Variants in SAMD12 observed in about 807,000 individuals in gnomAD.
SAMD12 encodes the protein sterile alpha motif domain containing 12.
SAMD12 carries 9 observed loss-of-function variants against 15.0 expected under a neutral mutation model. That is an observed-to-expected ratio of 0.60 (90% CI 0.36 to 1.05). SAMD12 has a LOEUF of 1.05. SAMD12 is among the 50% of genes least tolerant of loss of function. The probability of loss-of-function intolerance (pLI) is 0.01; values close to 1 mark genes in which losing one functional copy is unlikely to be tolerated. For missense variants in SAMD12, 230 were observed against 234.2 expected (o/e 0.98, Z 0.12); for synonymous variants, 86 against 90.1 (o/e 0.96, Z 0.25).
chr8:118,598,241 T>G (rs963836101), intron 1 of SAMD12, among the ~76,000 whole-genome samples: 9 of 152,238 alleles, frequency 5.9e-5, no homozygotes, highest in African/African-American at 2.2e-4. Flanking sequence ...AAAATTCATA[T>G]GCTGAAGGCT....
chr8:118,534,346 C>T (rs1196532482), intron 2 of SAMD12, among the ~76,000 whole-genome samples: 1 of 152,090 alleles, frequency 6.6e-6, no homozygotes, highest in Admixed American at 6.5e-5. Context: ...TTGTGGGTAA[C>T]CCGACCTTGC....
intron 2 of SAMD12, among the ~76,000 whole-genome samples, chr8:118,463,267 A>G (rs948389597): frequency 1.3e-5 from 2 of 152,122 alleles, no homozygotes; most frequent in African/African-American, 4.8e-5. Context: ...ACCCAGCAGT[A>G]GGGAATGGGG....
At chr8:118,377,063 A>C (rs1304563121), downstream of SAMD12, among the ~76,000 whole-genome samples, 1 of 152,122 alleles carries the variant, frequency 6.6e-6, no homozygotes, top group Non-Finnish European at 1.5e-5. Flanking sequence ...TACTTCAATA[A>C]GGCTATGTAT....
At chr8:118,385,295 G>T (rs1476946040) in intron 3 of SAMD12, among the ~76,000 whole-genome samples, 3 of 152,138 alleles carry the variant, frequency 2.0e-5, no homozygotes, top group African/African-American at 7.2e-5. Context: ...GCAGTTGAAG[G>T]CCTGAGTAGA....
At chr8:118,501,250 C>T (rs1824773995) in intron 2 of SAMD12, among the ~76,000 whole-genome samples, 1 of 152,066 alleles carries the variant, frequency 6.6e-6, no homozygotes, top group African/African-American at 2.4e-5. Flanking sequence ...TCTTGCTTTC[C>T]ACAAAACTAG....
chr8:118,458,473 T>G (rs16891074), intron 2 of SAMD12, among the ~76,000 whole-genome samples: 2,761 of 152,268 alleles, frequency 0.018, 88 homozygotes, highest in African/African-American at 0.063. Flanking sequence ...GCACATTACC[T>G]TAATAATAAA....
intron 4 of SAMD12, among the ~76,000 whole-genome samples, chr8:118,240,946 C>T (rs1346355466): frequency 1.3e-5 from 2 of 152,068 alleles, no homozygotes; most frequent in Admixed American, 6.6e-5. Flanking sequence ...AGAATGAGCC[C>T]TCTATCACCC....
At chr8:118,486,706 G>A (rs1824296778) in intron 2 of SAMD12, among the ~76,000 whole-genome samples, 1 of 144,854 alleles carries the variant, frequency 6.9e-6, no homozygotes, top group South Asian at 2.3e-4. Flanking sequence ...AGAATTTGTG[G>A]TAATTTGCTA....
intron 3 of SAMD12, among the ~76,000 whole-genome samples, chr8:118,383,874 T>C (rs1470050075): frequency 6.6e-6 from 1 of 152,126 alleles, no homozygotes; most frequent in Non-Finnish European, 1.5e-5. Flanking sequence ...ATAAGTAGTG[T>C]CTTCTGCCTG....
chr8:118,222,313 T>G (rs997731074), intron 4 of SAMD12, among the ~76,000 whole-genome samples: 4 of 152,148 alleles, frequency 2.6e-5, no homozygotes, highest in Non-Finnish European at 1.5e-5. Context: ...CAGAATGTCA[T>G]AGTGGAAAGA....
At chr8:118,329,479 A>C (rs1308086817) in intron 4 of SAMD12, among the ~76,000 whole-genome samples, 1 of 152,200 alleles carries the variant, frequency 6.6e-6, no homozygotes, top group East Asian at 1.9e-4. Flanking sequence ...TTAGCTCCTG[A>C]CCTTCAGAAG....
chr8:118,398,804 G>A (rs1257950479), intron 3 of SAMD12, among the ~76,000 whole-genome samples: 1 of 152,160 alleles, frequency 6.6e-6, no homozygotes, highest in Admixed American at 6.5e-5. Flanking sequence ...TATATTCATA[G>A]GTCAAAACTC....
intron 2 of SAMD12, among the ~76,000 whole-genome samples, chr8:118,551,731 T>C (rs1215435690): frequency 4.0e-5 from 6 of 149,930 alleles, no homozygotes; most frequent in East Asian, 2.0e-4. Flanking sequence ...AATTAATGAA[T>C]CCAGGAGCTG....
rs1586569512 is a variant in SAMD12 at position 118,344,375 on chromosome 8, T to C, written c.433+35185A>G. The stretch of plus-strand genomic sequence containing the variant: ...AAGAATTACAGCTACCTTCTCCTTA[T>C]GTGATTAGTATATGCTTAGCCCAGT... On this transcript the variant is annotated intron_variant, in intron 4 of 4. Transcript: ENST00000409003. Among the ~76,000 whole-genome samples the C allele has an allele frequency of 2.0e-5, 3 of 152,360 alleles. No individual in the cohort carries two copies. In the East Asian group the frequency reaches 5.8e-4, roughly 29 times the overall value.
intron 4 of SAMD12, among the ~76,000 whole-genome samples, chr8:118,342,994 T>G (rs1026555151): frequency 2.0e-5 from 3 of 151,840 alleles, no homozygotes; most frequent in Admixed American, 6.6e-5. Flanking sequence ...GTGCTAGGAG[T>G]AGGAAATAGG....
At chr8:118,239,140 T>A (rs1812507424) in intron 4 of SAMD12, among the ~76,000 whole-genome samples, 1 of 152,094 alleles carries the variant, frequency 6.6e-6, no homozygotes, top group Non-Finnish European at 1.5e-5. Context: ...ATGATGATGA[T>A]AATGGTAATG....
At chr8:118,284,738 C>T (rs898206782) in intron 4 of SAMD12, 12 of 167,756 alleles carry the variant, frequency 7.2e-5, no homozygotes, top group South Asian at 2.8e-4. Context: ...GTCAGGAGAT[C>T]GAGACCATCC....
chr8:118,239,439 C>A (rs1028980910), intron 4 of SAMD12, among the ~76,000 whole-genome samples: 4 of 152,058 alleles, frequency 2.6e-5, no homozygotes, highest in African/African-American at 9.7e-5. Context: ...ACTACCAAGA[C>A]TCTTCTATTA....
intron 4 of SAMD12, among the ~76,000 whole-genome samples, chr8:118,257,343 C>G (rs186143841): frequency 1.3e-5 from 2 of 152,152 alleles, no homozygotes. Context: ...TAACCAGTGA[C>G]CTATCTGAAA....
Sources: gnomAD v4.1 joint callset for allele counts (sites outside exome capture counted in the v4.1 genomes callset) on GRCh38, gnomAD v4.1.1 for gene constraint, MANE v1.5 for transcripts, NCBI Gene and HGNC (gene_info 2026-07-23, HGNC 2026-07-21) for gene names.